The following ARHGAP32 variants were observed in gnomAD, a reference collection of about 807,000 sequenced individuals.
ARHGAP32 encodes Rho GTPase activating protein 32.
Under a neutral mutation model 186.5 loss-of-function variants are expected in ARHGAP32, and 51 were observed. The observed-to-expected ratio is 0.27, with a 90% CI of 0.22 to 0.35. ARHGAP32 has a LOEUF of 0.35. ARHGAP32 is among the 10% of genes least tolerant of loss of function. The pLI is 1.00. For synonymous variants in ARHGAP32, 950 were observed against 964.3 expected, an observed-to-expected ratio of 0.99 and a Z score of 0.27; for missense variants, 2,186 against 2,623.5, an observed-to-expected ratio of 0.83 and a Z score of 3.64.
chr11:129,088,151 C>T (rs1374972676), intron 6 of ARHGAP32, among the ~76,000 whole-genome samples: 2 of 152,162 alleles, frequency 1.3e-5, no homozygotes, highest in Admixed American at 6.5e-5. Flanking sequence ...AAAATTAAAA[C>T]TCTAACACAT....
chr11:129,213,792 G>A (rs1477371957), intron 1 of ARHGAP32, among the ~76,000 whole-genome samples: 3 of 151,936 alleles, frequency 2.0e-5, no homozygotes, highest in African/African-American at 4.8e-5. Flanking sequence ...CAAATCATAC[G>A]AAGACACTAC....
chr11:129,183,350 T>C (rs980554490), intron 1 of ARHGAP32, among the ~76,000 whole-genome samples: 5 of 152,146 alleles, frequency 3.3e-5, no homozygotes, highest in African/African-American at 1.2e-4. Flanking sequence ...ATCAATTTAT[T>C]TAGTTTTTTA....
At chr11:129,004,760 T>C (rs1937672804) in intron 11 of ARHGAP32, among the ~76,000 whole-genome samples, 1 of 152,160 alleles carries the variant, frequency 6.6e-6, no homozygotes, top group Admixed American at 6.5e-5. Flanking sequence ...CTGTGTATCT[T>C]TATAGATGAA....
At chr11:129,000,570 G>C (rs1946329277) in intron 11 of ARHGAP32, among the ~76,000 whole-genome samples, 1 of 152,138 alleles carries the variant, frequency 6.6e-6, no homozygotes, top group South Asian at 2.1e-4. Flanking sequence ...AATCACACCA[G>C]GGTAAATGGG....
At chr11:129,165,511 A>T (rs764065364) in intron 1 of ARHGAP32, among the ~76,000 whole-genome samples, 1 of 150,680 alleles carries the variant, frequency 6.6e-6, no homozygotes, top group Non-Finnish European at 1.5e-5. Flanking sequence ...TCTTTGGAGG[A>T]AAAAACATTC....
chr11:129,089,847 A>C (rs1160508028), intron 6 of ARHGAP32, among the ~76,000 whole-genome samples: 1 of 152,250 alleles, frequency 6.6e-6, no homozygotes, highest in Non-Finnish European at 1.5e-5. Flanking sequence ...CAAATTTTAG[A>C]AATAACTGTC....
At chr11:129,137,969 CT>C (rs1565440359) in intron 2 of ARHGAP32, among the ~76,000 whole-genome samples, 1 of 151,884 alleles carries the variant, frequency 6.6e-6, no homozygotes, top group Admixed American at 6.6e-5. Context: ...TATCACAGGG[CT>C]TTTTTATTCT....
At chr11:129,177,594 C>T (rs901411915) in intron 1 of ARHGAP32, among the ~76,000 whole-genome samples, 11 of 152,158 alleles carry the variant, frequency 7.2e-5, no homozygotes, top group South Asian at 4.1e-4. Flanking sequence ...CCACCATGAT[C>T]AAGTGGGCTT....
At chr11:129,095,489 G>A (rs1322859582) in intron 5 of ARHGAP32, among the ~76,000 whole-genome samples, 1 of 152,166 alleles carries the variant, frequency 6.6e-6, no homozygotes, top group Non-Finnish European at 1.5e-5. Context: ...GTAAACCAAG[G>A]CTGCAGGAGA....
chr11:129,267,280 C>T (rs915753009), intron 1 of ARHGAP32, among the ~76,000 whole-genome samples: 1 of 152,134 alleles, frequency 6.6e-6, no homozygotes, highest in Non-Finnish European at 1.5e-5. Context: ...AGGAAAATCA[C>T]TTGAACCTGG....
chr11:129,181,444 C>T (rs996668863), intron 1 of ARHGAP32, among the ~76,000 whole-genome samples: 1 of 152,142 alleles, frequency 6.6e-6, no homozygotes, highest in African/African-American at 2.4e-5. Context: ...TCTGAGACTA[C>T]CAGCGTTCTG....
At chr11:129,195,401 T>C (rs1944378774), upstream of ARHGAP32, among the ~76,000 whole-genome samples, 1 of 152,228 alleles carries the variant, frequency 6.6e-6, no homozygotes, top group African/African-American at 2.4e-5. Context: ...CTGTGAGTGG[T>C]ATTTTTACAC....
At chr11:129,163,993 T>C (rs1236582438) in intron 2 of ARHGAP32, among the ~76,000 whole-genome samples, 3 of 152,088 alleles carry the variant, frequency 2.0e-5, no homozygotes, top group Non-Finnish European at 4.4e-5. Flanking sequence ...AAATGATGTG[T>C]TTCCAGATAA....
At chr11:129,110,800 AATTT>A (rs891216121) in intron 5 of ARHGAP32, among the ~76,000 whole-genome samples, 15 of 151,784 alleles carry the variant, frequency 9.9e-5, no homozygotes, top group African/African-American at 3.4e-4. Context: ...AAATTCACTG[AATTT>A]ATTTATCAGA....
intron 6 of ARHGAP32, 109 bp from the exon 7 acceptor site, chr11:129,066,977 A>G: frequency 1.0e-6 from 1 of 957,336 alleles, no homozygotes; most frequent in South Asian, 1.8e-5. Flanking sequence ...ATATTTTCTA[A>G]TGAGAAGTTT....
chr11:128,971,394 G>A (rs1722251298), intron 22 of ARHGAP32: 2 of 463,730 alleles, frequency 4.3e-6, no homozygotes, highest in South Asian at 4.6e-5. Flanking sequence ...ATTTATGAGA[G>A]GTTTTAAATG....
chr11:129,191,175 A>C (rs1424564358), intron 1 of ARHGAP32, among the ~76,000 whole-genome samples: 7 of 152,192 alleles, frequency 4.6e-5, no homozygotes, highest in African/African-American at 1.7e-4. Flanking sequence ...TGATGAAAAC[A>C]GTATATTCAC....
At chr11:129,233,085 C>T (rs11221613) in intron 1 of ARHGAP32, among the ~76,000 whole-genome samples, 2,155 of 151,982 alleles carry the variant, frequency 0.014, 20 homozygotes, top group South Asian at 0.031. Context: ...GAGTATAATG[C>T]TATTTTTATT....
At chr11:128,992,036 T>C (rs558981525) in intron 12 of ARHGAP32, among the ~76,000 whole-genome samples, 1 of 152,264 alleles carries the variant, frequency 6.6e-6, no homozygotes, top group African/African-American at 2.4e-5. Flanking sequence ...TTCAGGGAGA[T>C]GGTTTCCAGG....
Sources: gnomAD v4.1 joint callset for allele counts (sites outside exome capture counted in the v4.1 genomes callset) on GRCh38, gnomAD v4.1.1 for gene constraint, MANE v1.5 for transcripts, NCBI Gene and HGNC (gene_info 2026-07-23, HGNC 2026-07-21) for gene names.